NRL: variants seen among roughly 807,000 people sequenced by gnomAD.
NRL encodes neural retina-specific leucine zipper protein.
NRL carries 16 observed loss-of-function variants against 12.5 expected under a neutral mutation model. The observed-to-expected ratio is 1.28, with a 90% confidence interval of 0.87 to 1.95. The LOEUF is 1.95. NRL is among the 30% of genes most tolerant of loss of function. The pLI is 0.00. For missense variants in NRL, 314 were observed against 325.8 expected, an observed-to-expected ratio of 0.96 and a Z score of 0.28; for synonymous variants, 142 against 150.9, an observed-to-expected ratio of 0.94 and a Z score of 0.43.
At position 24,081,397 on chromosome 14, in the gene NRL, G is replaced by T; in HGVS notation, c.553C>A (p.Arg185Ser). The change falls in exon 3 of 3, where the codon CGC (arginine) becomes AGC (serine). Residue 185 changes from arginine (R) to serine (S), a missense_variant. By Grantham distance (110) the Arg-to-Ser change is moderately radical. Coordinates refer to ENST00000561028, the MANE Select transcript of NRL (RefSeq NM_001354768.3). This position sits in a 1 kb window ranked among gnomAD's most constrained non-coding sequence, Gnocchi z 4.4. ...CGGGCGCGCTCGGCCTCCAGCCCGCGCCGCTGCTGCAGCCGCTTGGAGCGA... is the reference window on the plus strand; with the variant it reads ...CGGGCGCGCTCGGCCTCCAGCCCGCTCCGCTGCTGCAGCCGCTTGGAGCGA... ...ACRSKRLQQR[R>S]GLEAERARLA... is the part of the protein sequence containing the mutation. 6.8e-7 allele frequency: 1 copy of T among 1,480,160 alleles called. No individual in the cohort carries two copies. The allele number at this position is 1,480,160 out of a possible 1,614,324, so 91.7% of individuals were successfully genotyped here.
chr14:24,094,585 C>A lies in NRL; in HGVS notation c.-27-11710G>T, dbSNP rs557189332. On this transcript the variant is annotated intron_variant, in intron 1 of 2. Coordinates refer to ENST00000561028, the MANE Select transcript of NRL (RefSeq NM_001354768.3). This position sits in a 1 kb window ranked among gnomAD's most constrained non-coding sequence, Gnocchi z 4.1. ...GGCGACTGCTGTGGGTCCAGCCTCCCGCGCCGCGCGTCTCTTGGGAGGGCA... is the reference window on the plus strand; with the variant it reads ...GGCGACTGCTGTGGGTCCAGCCTCCAGCGCCGCGCGTCTCTTGGGAGGGCA... The A allele has an allele frequency of 4.8e-5, 70 of 1,451,232 alleles. 1 individual carries two copies. In the African/African-American group the frequency reaches 8.7e-4, roughly 18 times the overall value. The allele number at this position is 1,451,232 out of a possible 1,614,324, so 89.9% of individuals were successfully genotyped here. A position where few individuals can be genotyped will look rare whatever the true frequency, so the allele number is the denominator to read the frequency against.
In NRL at chr14:24,111,627, A is replaced by G. The variant is rs60297655; in HGVS notation, c.-28+3095T>C. ...GGTGATCCACCCGCCTTGGCCTCCCAAAGTGCTGGGATTACAGGCGTGAGC... is the reference window on the plus strand; with the variant it reads ...GGTGATCCACCCGCCTTGGCCTCCCGAAGTGCTGGGATTACAGGCGTGAGC... On this transcript the variant is annotated intron_variant, in intron 1 of 2. Transcript: ENST00000561028. 1.9e-3 allele frequency among the ~76,000 whole-genome samples: 284 copies of G among 152,026 alleles called. 1 individual carries two copies. The highest frequency in any genetic ancestry group is 6.6e-3 in the African/African-American group (272 of 41,436).
At chr14:24,082,014 C>T in intron 2 of NRL, 1 of 1,203,624 alleles carries the variant, frequency 8.3e-7, no homozygotes, top group Non-Finnish European at 1.0e-6. Context: ...GCAACACCCC[C>T]ATCTGTGTCT....
intron 1 of NRL, chr14:24,093,308 T>C (rs2036695023): frequency 6.6e-6 from 1 of 152,290 alleles, no homozygotes; most frequent in Non-Finnish European, 1.5e-5. Context: ...AATGGAGGTA[T>C]AGCTTGAGAA....
rs564021964 is a variant in NRL, at chr14:24,100,134, C to T, written c.-28+14588G>A. 2.6e-4 allele frequency: 417 copies of T among 1,613,396 alleles called. 2 individuals carry two copies. The highest frequency in any genetic ancestry group is 2.2e-3 in the South Asian group (204 of 90,982). On this transcript the variant is annotated intron_variant, in intron 1 of 2. Coordinates refer to ENST00000561028, the MANE Select transcript of NRL (RefSeq NM_001354768.3). ...ATGTGGCTGAGACCAGTGATGGTGG[C>T]GTGTACTGGGAGGGCATTGACCAGC...
intron 1 of NRL, chr14:24,097,087 C>CCTG: frequency 6.2e-7 from 1 of 1,613,700 alleles, no homozygotes; most frequent in South Asian, 1.1e-5. Context: ...CCACACTGAC[C>CCTG]CTGCTGGAGC....
chr14:24,107,506 T>G (rs1594319861), intron 1 of NRL, among the ~76,000 whole-genome samples: 1 of 151,380 alleles, frequency 6.6e-6, no homozygotes, highest in Non-Finnish European at 1.5e-5. Flanking sequence ...AGCCACCCCT[T>G]CCTGCCATAG....
At chr14:24,106,338 T>G (rs969926724) in intron 1 of NRL, among the ~76,000 whole-genome samples, 2 of 152,218 alleles carry the variant, frequency 1.3e-5, no homozygotes, top group African/African-American at 4.8e-5. Flanking sequence ...AAACACCAAG[T>G]GTTCTCATAG....
At chr14:24,093,037 C>T (rs2036684323) in intron 1 of NRL, 1 of 152,256 alleles carries the variant, frequency 6.6e-6, no homozygotes, top group Non-Finnish European at 1.5e-5. Flanking sequence ...CATGCCCATC[C>T]TTGAACATCC....
intron 1 of NRL, chr14:24,103,547 C>G: frequency 1.9e-6 from 3 of 1,567,500 alleles, no homozygotes; most frequent in Non-Finnish European, 1.7e-6. Context: ...CCATGCGGCC[C>G]TTTTTTGGCT....
chr14:24,087,305 C>G (rs2036490433), intron 1 of NRL, among the ~76,000 whole-genome samples: 1 of 152,110 alleles, frequency 6.6e-6, no homozygotes, highest in Non-Finnish European at 1.5e-5. Context: ...GATTGGGGAC[C>G]AAGACCTAGA....
intron 1 of NRL, chr14:24,096,910 G>A: frequency 6.2e-7 from 1 of 1,613,284 alleles, no homozygotes; most frequent in Non-Finnish European, 8.5e-7. Context: ...GGCATGGGCT[G>A]AGCCCCTTGG....
intron 1 of NRL, among the ~76,000 whole-genome samples, chr14:24,083,248 T>A (rs994091814): frequency 2.6e-5 from 4 of 152,234 alleles, no homozygotes; most frequent in Admixed American, 6.5e-5. Flanking sequence ...GCCATTTTTT[T>A]AAATTGCTTA....
rs755323091 is a variant in NRL, at chr14:24,081,657, G to A, written c.382-89C>T. ...CCGACGCTACCTGGCTCCGCCCCGG[G>A]ACAGCCCCGCCCCGGCTCCCACCTT... On this transcript the variant is annotated intron_variant, in intron 2 of 2. Coordinates refer to ENST00000561028, the MANE Select transcript of NRL (RefSeq NM_001354768.3). This position sits in a 1 kb window ranked among gnomAD's most constrained non-coding sequence, Gnocchi z 4.4. 125 of 1,534,750 alleles carry A rather than the reference G, an allele frequency of 8.1e-5. No individual in the cohort carries two copies. The highest frequency in any genetic ancestry group is 1.0e-4 in the Non-Finnish European group (119 of 1,140,620).
rs2036225513 is a variant in NRL at position 24,079,823 on chromosome 14, T to C, written c.*1413A>G. Among the ~76,000 whole-genome samples, 1 of 152,138 alleles carries C rather than the reference T, an allele frequency of 6.6e-6. No individual in the cohort carries two copies. Among genetic ancestry groups the C allele is most frequent in the Admixed American group, 6.5e-5 (1 of 15,276 alleles). On this transcript the variant is annotated 3_prime_UTR_variant, in exon 3 of 3. Coordinates refer to ENST00000561028, the MANE Select transcript of NRL (RefSeq NM_001354768.3). ...GGCCCCATCTGCCCTCCCCTTAGCC[T>C]GCTGAACTGGAGGACTGGGTTACCA...
chr14:24,084,199 C>T (rs528892086), intron 1 of NRL, among the ~76,000 whole-genome samples: 6 of 152,332 alleles, frequency 3.9e-5, no homozygotes, highest in African/African-American at 1.4e-4. Context: ...GGTTGCTGCC[C>T]TCTCTATGGA....
rs1382452363 is a variant in NRL at position 24,088,800 on chromosome 14, CT to C, written c.-27-5926del. On this transcript the variant is annotated intron_variant, in intron 1 of 2. Coordinates refer to ENST00000561028, the MANE Select transcript of NRL (RefSeq NM_001354768.3). ...AGCAGACATGCACCACCATGCCTGGCTAATTTTTTTTTTTTTTTTTTTTTTC... is the reference window on the plus strand; with the variant it reads ...AGCAGACATGCACCACCATGCCTGGCAATTTTTTTTTTTTTTTTTTTTTTC... Among the ~76,000 whole-genome samples the C allele has an allele frequency of 2.2e-4, 31 of 139,484 alleles. 1 individual carries two copies. The highest frequency in any genetic ancestry group is 7.2e-4 in the African/African-American group (26 of 36,228). 91.5% of individuals were successfully genotyped at this position (139,484 alleles called of 152,430 possible).
chr14:24,114,853 G>A lies in NRL; in HGVS notation c.-159C>T. On this transcript the variant is annotated 5_prime_UTR_variant, in exon 1 of 3. Transcript: ENST00000561028. ...GAAGCGCGTGACGGAGGAGCGGTTGGCCAACGCAGTGGCGGCAGTCGGTGT... is the reference window on the plus strand; with the variant it reads ...GAAGCGCGTGACGGAGGAGCGGTTGACCAACGCAGTGGCGGCAGTCGGTGT... 6 of 985,964 alleles carry A rather than the reference G, an allele frequency of 6.1e-6. No homozygotes were observed. The highest frequency in any genetic ancestry group is 7.2e-6 in the Non-Finnish European group (6 of 829,964). The allele number at this position is 985,964 out of a possible 1,614,324, so 61.1% of individuals were successfully genotyped here.
chr14:24,097,225 C>A, intron 1 of NRL: 1 of 1,209,324 alleles, frequency 8.3e-7, no homozygotes, highest in Non-Finnish European at 1.2e-6. Context: ...CTAGAACATC[C>A]CAATGGAATG....
Sources: gnomAD v4.1 joint callset for allele counts (sites outside exome capture counted in the v4.1 genomes callset) on GRCh38, gnomAD v4.1.1 for gene constraint, Gnocchi (gnomAD v3.1) non-coding constraint, MANE v1.5 for transcripts, NCBI Gene and HGNC (gene_info 2026-07-23, HGNC 2026-07-21) for gene names.